EMC3: variants seen among roughly 807,000 people sequenced by gnomAD.
The protein encoded by EMC3 is 30 kDa protein.
EMC3 carries 13 observed loss-of-function variants against 36.6 expected under a neutral mutation model. The observed-to-expected ratio is 0.35, with a 90% CI of 0.23 to 0.56. EMC3 has a LOEUF of 0.56. EMC3 is among the 20% of genes least tolerant of loss of function. The pLI, the probability that EMC3 is intolerant of heterozygous loss-of-function variation, is 0.84. For synonymous variants in EMC3, 120 were observed against 111.9 expected (o/e 1.07, Z -0.46); for missense variants, 220 against 324.5 (o/e 0.68, Z 2.47).
intron 1 of EMC3, chr3:10,008,556 A>G: frequency 9.0e-7 from 1 of 1,114,406 alleles, no homozygotes; most frequent in South Asian, 1.2e-5. Context: ...AAGACAGCCC[A>G]GAGAGCAGGG....
At chr3:9,997,502 C>A (rs1241504821) in intron 1 of EMC3, among the ~76,000 whole-genome samples, 1 of 152,204 alleles carries the variant, frequency 6.6e-6, no homozygotes, top group Non-Finnish European at 1.5e-5. Context: ...CTCTGGCCCC[C>A]ACGCTGGAGC....
intron 7 of EMC3, among the ~76,000 whole-genome samples, chr3:9,966,848 T>G (rs1406542595): frequency 6.6e-6 from 1 of 152,204 alleles, no homozygotes; most frequent in Non-Finnish European, 1.5e-5. Flanking sequence ...GTGCTGGGAT[T>G]AAGGTGTAAG....
intron 6 of EMC3, among the ~76,000 whole-genome samples, chr3:9,970,170 A>G (rs1050510614): frequency 1.3e-5 from 2 of 152,244 alleles, no homozygotes; most frequent in Non-Finnish European, 2.9e-5. Context: ...AGATAAGTAA[A>G]TAGAGAATTC....
chr3:9,992,820 A>G (rs2086071033), intron 1 of EMC3: 4 of 1,147,630 alleles, frequency 3.5e-6, no homozygotes, highest in East Asian at 2.4e-5. Flanking sequence ...CTGCTGTTTC[A>G]TTGTAGCAAA....
At chr3:9,977,325 A>G in intron 2 of EMC3, 64 bp downstream of exon 2, 2 of 1,470,822 alleles carry the variant, frequency 1.4e-6, no homozygotes, top group Admixed American at 2.1e-5. Context: ...CCCTTATAAA[A>G]CATTCAGATA....
chr3:9,976,618 C>T (rs1173969846), intron 3 of EMC3, among the ~76,000 whole-genome samples: 1 of 152,186 alleles, frequency 6.6e-6, no homozygotes, highest in African/African-American at 2.4e-5. Flanking sequence ...TGGGTGACAG[C>T]CAGGCTGGAA....
chr3:10,001,046 G>C (rs2086192744), intron 1 of EMC3: 1 of 232,626 alleles, frequency 4.3e-6, no homozygotes, highest in South Asian at 5.6e-5. Flanking sequence ...TTGTCCTTTT[G>C]GTTGTTATGC....
Position 9,994,753 on chromosome 3 carries a change from G to C in EMC3, c.-241-7851C>G, listed in dbSNP as rs538601434. On this transcript the variant is annotated intron_variant, in intron 1 of 8. Coordinates refer to the EMC3 transcript ENST00000470827. ...GCCCAGCTAATTTTTTGTGTTTTTA[G>C]TAGAGACAGGGTTTCACCATGTTGG... 2.6e-5 allele frequency among the ~76,000 whole-genome samples: 4 copies of C among 152,108 alleles called. No homozygotes were observed. The South Asian group carries it at 6.2e-4, about 24-fold the overall frequency.
chr3:10,003,011 G>A, intron 1 of EMC3: 1 of 455,914 alleles, frequency 2.2e-6, no homozygotes, highest in Non-Finnish European at 4.4e-6. Context: ...ACCAGCAGCA[G>A]TGGTGGAGAC....
chr3:9,972,321 C>G (rs1157246824), intron 5 of EMC3, among the ~76,000 whole-genome samples: 1 of 151,994 alleles, frequency 6.6e-6, no homozygotes, highest in Non-Finnish European at 1.5e-5. Flanking sequence ...AAACTTGTAA[C>G]TTTCTGGGGG....
Position 9,986,770 on chromosome 3 carries a change from T to C in EMC3, c.-109A>G. On this transcript the variant is annotated 5_prime_UTR_variant, in exon 1 of 8. Transcript: ENST00000245046. ...GGGCCTTCTCAAGCCCCTTTGCCCGTGTACCCCAGAACTCTCCTGCGACTG... is the reference window on the plus strand; with the variant it reads ...GGGCCTTCTCAAGCCCCTTTGCCCGCGTACCCCAGAACTCTCCTGCGACTG... 6.5e-7 allele frequency: 1 copy of C among 1,533,764 alleles called. No homozygotes were observed. Among genetic ancestry groups the C allele is most frequent in the Non-Finnish European group, 8.8e-7 (1 of 1,141,718 alleles).
At chr3:10,009,858 C>T (rs1317869958) in intron 1 of EMC3, 1 of 152,252 alleles carries the variant, frequency 6.6e-6, no homozygotes, top group Non-Finnish European at 1.5e-5. Context: ...GAACCTGGAG[C>T]CCTTTCGGTT....
chr3:10,003,106 G>A (rs1276295469), intron 1 of EMC3: 1 of 456,614 alleles, frequency 2.2e-6, no homozygotes, highest in South Asian at 1.5e-5. Flanking sequence ...CAGTGGTGCA[G>A]ACCCAGAAAC....
chr3:9,968,819 AT>A (rs561309442), intron 7 of EMC3: 34,306 of 128,762 alleles, frequency 0.27, 4,764 homozygotes, highest in African/African-American at 0.44. Context: ...TCATTTTTGT[AT>A]TTTTTTTTTT....
upstream of EMC3, chr3:9,986,932 T>G (rs1266572391): frequency 1.6e-6 from 2 of 1,234,718 alleles, no homozygotes; most frequent in Non-Finnish European, 2.0e-6. Flanking sequence ...CTATCGGCGG[T>G]GGCCCAGGCT....
intron 1 of EMC3, chr3:10,005,302 G>A (rs1180676341): frequency 6.6e-6 from 1 of 151,364 alleles, no homozygotes; most frequent in East Asian, 1.9e-4. Context: ...CCTATTCAAA[G>A]AATGAGGCAA....
At chr3:9,966,410 A>G (rs2085737037) in intron 7 of EMC3, among the ~76,000 whole-genome samples, 1 of 151,354 alleles carries the variant, frequency 6.6e-6, no homozygotes, top group South Asian at 2.1e-4. Flanking sequence ...TTTAGTAGAG[A>G]TGGGGTTTCA....
chr3:9,981,873 T>C (rs2085915294), intron 1 of EMC3: 1 of 325,436 alleles, frequency 3.1e-6, no homozygotes, highest in Non-Finnish European at 6.0e-6. Flanking sequence ...TTTTTACACA[T>C]AATCTATCCC....
intron 1 of EMC3, among the ~76,000 whole-genome samples, chr3:9,978,764 G>T (rs1279770163): frequency 6.6e-6 from 1 of 152,044 alleles, no homozygotes; most frequent in Non-Finnish European, 1.5e-5. Context: ...AGGAAGGTAG[G>T]GGGTTGCAGT....
Sources: allele counts gnomAD v4.1 joint callset (sites outside exome capture counted in the v4.1 genomes callset), GRCh38; gene constraint gnomAD v4.1.1; transcripts MANE v1.5; gene names NCBI Gene and HGNC (gene_info 2026-07-23, HGNC 2026-07-21).